Variants in KCTD8 observed in about 807,000 individuals in gnomAD.
KCTD8 encodes BTB/POZ domain-containing protein KCTD8.
KCTD8 carries 27 observed loss-of-function variants against 31.5 expected under a neutral mutation model. The observed-to-expected ratio is 0.86, with a 90% CI of 0.63 to 1.18. The LOEUF (loss-of-function observed/expected upper bound fraction) is 1.18, where lower values mean the gene tolerates loss of function less well. Among genes scored for constraint, KCTD8 ranks in the 50% most tolerant of loss-of-function variants. The pLI is 0.00. For missense variants in KCTD8, 658 were observed against 647.7 expected, an observed-to-expected ratio of 1.02 and a Z score of -0.17; for synonymous variants, 290 against 280.0, an observed-to-expected ratio of 1.04 and a Z score of -0.36.
In KCTD8 at chr4:44,391,342, T is replaced by C. The variant is rs1313443133; in HGVS notation, c.961+56221A>G. Among the ~76,000 whole-genome samples the C allele has an allele frequency of 2.6e-5, 4 of 151,964 alleles. No individual in the cohort carries two copies. In the East Asian group the frequency reaches 7.8e-4, roughly 30 times the overall value. On this transcript the variant is annotated intron_variant, in intron 1 of 1. Coordinates refer to ENST00000360029, the MANE Select transcript of KCTD8 (RefSeq NM_198353.3). Reference sequence around the variant, plus strand: ...CTATTGAAATTTTTAAAAAGAGTTATATCAATTGTGCCCGCCTCTTCTGTC... The same window carrying C: ...CTATTGAAATTTTTAAAAAGAGTTACATCAATTGTGCCCGCCTCTTCTGTC...
intron 1 of KCTD8, among the ~76,000 whole-genome samples, chr4:44,431,350 T>A (rs943930318): frequency 6.6e-6 from 1 of 151,644 alleles, no homozygotes; most frequent in Non-Finnish European, 1.5e-5. Context: ...TTCTCTTGTC[T>A]CAGTATCTTT....
chr4:44,324,060 A>C (rs1472539372), intron 1 of KCTD8, among the ~76,000 whole-genome samples: 2 of 151,240 alleles, frequency 1.3e-5, no homozygotes, highest in African/African-American at 2.4e-5. Flanking sequence ...AAAAAAAACA[A>C]AACAAAACAA....
chr4:44,417,880 A>G (rs1391576519), intron 1 of KCTD8, among the ~76,000 whole-genome samples: 2 of 123,242 alleles, frequency 1.6e-5, no homozygotes, highest in East Asian at 5.0e-4. Flanking sequence ...AGTCTCATGA[A>G]CTACCAACAT....
intron 1 of KCTD8, among the ~76,000 whole-genome samples, chr4:44,275,170 A>G (rs1716718513): frequency 6.6e-6 from 1 of 151,950 alleles, no homozygotes; most frequent in Non-Finnish European, 1.5e-5. Flanking sequence ...CAGGGATCAT[A>G]TGGAAGATGT....
chr4:44,429,213 A>T (rs183873755), intron 1 of KCTD8, among the ~76,000 whole-genome samples: 143 of 151,918 alleles, frequency 9.4e-4, no homozygotes, highest in African/African-American at 3.4e-3. Flanking sequence ...TTTAAAAAAA[A>T]AGCTACTCTT....
At chr4:44,409,086 A>G (rs1473752220) in intron 1 of KCTD8, among the ~76,000 whole-genome samples, 1 of 151,814 alleles carries the variant, frequency 6.6e-6, no homozygotes, top group Non-Finnish European at 1.5e-5. Context: ...CTACAAAAAA[A>G]TCCAAAATTA....
chr4:44,275,173 G>GA (rs1378689841), intron 1 of KCTD8, among the ~76,000 whole-genome samples: 1 of 151,788 alleles, frequency 6.6e-6, no homozygotes, highest in Non-Finnish European at 1.5e-5. Context: ...GGATCATATG[G>GA]AAGATGTAAG....
chr4:44,217,621 G>A (rs1166209159), intron 1 of KCTD8, among the ~76,000 whole-genome samples: 1 of 152,184 alleles, frequency 6.6e-6, no homozygotes, highest in Non-Finnish European at 1.5e-5. Flanking sequence ...CCCACCCTCA[G>A]TGTGAGTGGG....
chr4:44,367,297 T>C (rs1021739563), intron 1 of KCTD8, among the ~76,000 whole-genome samples: 1 of 152,148 alleles, frequency 6.6e-6, no homozygotes, highest in Non-Finnish European at 1.5e-5. Flanking sequence ...TTGCTTACTA[T>C]TGCACTACAA....
intron 1 of KCTD8, among the ~76,000 whole-genome samples, chr4:44,420,332 T>C (rs1296560508): frequency 1.3e-5 from 2 of 152,114 alleles, no homozygotes; most frequent in African/African-American, 4.8e-5. Flanking sequence ...TGTCAGGTGT[T>C]TACAAGAAGA....
intron 1 of KCTD8, among the ~76,000 whole-genome samples, chr4:44,370,545 C>T (rs1719754303): frequency 6.6e-6 from 1 of 152,080 alleles, no homozygotes; most frequent in Non-Finnish European, 1.5e-5. Flanking sequence ...CCTCTAATAT[C>T]CTTAGAATAT....
Position 44,375,513 on chromosome 4 carries a change from G to A in KCTD8, c.961+72050C>T, listed in dbSNP as rs368520313. ...TGTCTCTGTTCCTGGTTTCTCACTC[G>A]GTGAGCCAAAGACCCCTGGGCTTCC... On this transcript the variant is annotated intron_variant, in intron 1 of 1. Transcript: ENST00000360029. Among the ~76,000 whole-genome samples, 105 of 152,182 alleles carry A rather than the reference G, an allele frequency of 6.9e-4. No homozygotes were observed. In the South Asian group the frequency reaches 0.011, roughly 16 times the overall value.
chr4:44,386,003 T>G (rs1720201526), intron 1 of KCTD8, among the ~76,000 whole-genome samples: 1 of 151,422 alleles, frequency 6.6e-6, no homozygotes. Context: ...GCCAATGAGG[T>G]ACCACGTCAC....
At chr4:44,405,817 CAAAAAAA>C (rs903559298) in intron 1 of KCTD8, among the ~76,000 whole-genome samples, 7 of 32,246 alleles carry the variant, frequency 2.2e-4, no homozygotes, top group Non-Finnish European at 2.7e-4. Context: ...TCCTGTTTCT[CAAAAAAA>C]AAAAAAAAAA....
chr4:44,238,260 G>C (rs932990917), intron 1 of KCTD8, among the ~76,000 whole-genome samples: 4 of 151,960 alleles, frequency 2.6e-5, no homozygotes, highest in Non-Finnish European at 5.9e-5. Context: ...CTCCCTAAGG[G>C]AAGCTGCCTT....
intron 1 of KCTD8, among the ~76,000 whole-genome samples, chr4:44,386,495 A>G (rs918026917): frequency 1.3e-5 from 2 of 151,704 alleles, no homozygotes; most frequent in Admixed American, 6.6e-5. Flanking sequence ...GTATATGAAA[A>G]GGTAGTCAAT....
chr4:44,306,767 T>G (rs1717817135), intron 1 of KCTD8, among the ~76,000 whole-genome samples: 1 of 152,002 alleles, frequency 6.6e-6, no homozygotes, highest in African/African-American at 2.4e-5. Context: ...GGTAAAATTT[T>G]ATTAAATTTG....
In KCTD8 at chr4:44,447,879, G is replaced by C. The variant is rs1017387594; in HGVS notation, c.645C>G (p.Gly215=). 1.9e-6 allele frequency: 3 copies of C among 1,544,460 alleles called. No homozygotes were observed. In the African/African-American group the frequency reaches 4.1e-5, roughly 21 times the overall value. The change falls in exon 1 of 2, where the codon GGC becomes GGG. Residue 215 remains glycine, a synonymous_variant. Coordinates refer to ENST00000360029, the MANE Select transcript of KCTD8 (RefSeq NM_198353.3). Reference sequence around the variant, plus strand: ...GGTTGTCGCGCACGGTGGTGTAGGAGCCCCGGTAGCCCAGCGTGAGGAAGC... The same window carrying C: ...GGTTGTCGCGCACGGTGGTGTAGGACCCCCGGTAGCCCAGCGTGAGGAAGC... ...RSGFLTLGYR[G]SYTTVRDNQA...
intron 1 of KCTD8, chr4:44,293,763 A>G (rs1717346355): frequency 2.2e-6 from 1 of 449,836 alleles, no homozygotes; most frequent in Admixed American, 2.4e-5. Context: ...ATTGAAACAT[A>G]GCCACTTGAA....
Sources: allele counts gnomAD v4.1 joint callset (sites outside exome capture counted in the v4.1 genomes callset), GRCh38; gene constraint gnomAD v4.1.1; transcripts MANE v1.5; gene names NCBI Gene and HGNC (gene_info 2026-07-23, HGNC 2026-07-21).